Variants in POU2F2 observed in about 807,000 individuals in gnomAD.
The protein encoded by POU2F2 is POU class 2 homeobox 2, also known as POU domain, class 2, transcription factor 2.
Under a neutral mutation model 63.5 loss-of-function variants are expected in POU2F2, and 14 were observed. The ratio of observed to expected loss-of-function variants is 0.22; its 90% CI spans 0.15 to 0.34. POU2F2 has a LOEUF of 0.34. Among genes scored for constraint, POU2F2 ranks in the 10% least tolerant of loss-of-function variants. The pLI, the probability that POU2F2 is intolerant of heterozygous loss-of-function variation, is 1.00. For synonymous variants in POU2F2, 306 were observed against 348.6 expected, an observed-to-expected ratio of 0.88 and a Z score of 1.36; for missense variants, 607 against 815.2, an observed-to-expected ratio of 0.74 and a Z score of 3.11.
At chr19:42,107,330 G>A (rs1011162752) in intron 5 of POU2F2, among the ~76,000 whole-genome samples, 30 of 152,194 alleles carry the variant, frequency 2.0e-4, no homozygotes, top group South Asian at 6.2e-4. Flanking sequence ...ACTCCAGCTC[G>A]AGCAACAGAG....
At chr19:42,159,511 T>G (rs2034515487) in intron 2 of POU2F2, among the ~76,000 whole-genome samples, 2 of 152,070 alleles carry the variant, frequency 1.3e-5, no homozygotes, top group African/African-American at 2.4e-5. Flanking sequence ...GGGGTGGCAG[T>G]AGAGGGCTGT....
In POU2F2 at chr19:42,092,335, G is replaced by A; in HGVS notation, c.1265-65C>T. ...ACTCGTCCCCCACTGAGGAACCTGG[G>A]GTCAGCTCCTACTTGTCCTCCCGCC... On this transcript the variant is annotated intron_variant, in intron 12 of 14. Coordinates refer to ENST00000692977, the MANE Select transcript of POU2F2 (RefSeq NM_001394376.1). The surrounding 1 kb of genome is among the most constrained non-coding windows in gnomAD (Gnocchi z 5.0). 3 of 1,278,102 alleles carry A rather than the reference G, an allele frequency of 2.3e-6. No individual in the cohort carries two copies. The highest frequency in any genetic ancestry group is 3.3e-6 in the Non-Finnish European group (3 of 899,096). 79.2% of individuals were successfully genotyped at this position (1,278,102 alleles called of 1,614,324 possible). A position where few individuals can be genotyped will look rare whatever the true frequency, so the allele number is the denominator to read the frequency against.
In POU2F2 at chr19:42,087,009, C is replaced by CT. The variant is rs1182164426; in HGVS notation, c.*4247dup. The CT allele has an allele frequency of 6.6e-6, 1 of 152,060 alleles. No homozygotes were observed. The highest frequency in any genetic ancestry group is 1.5e-5 in the Non-Finnish European group (1 of 68,010). 9.4% of individuals were successfully genotyped at this position (152,060 alleles called of 1,614,324 possible). On this transcript the variant is annotated 3_prime_UTR_variant, in exon 15 of 15. Transcript: ENST00000692977. ...CATCGTCGTCTTGCTTTGGAGACTG[C>CT]TGAGGTCAAAGTTTAAACCGCATGA... is the stretch of plus-strand genomic sequence containing the variant.
chr19:42,106,842 GAGGAGAAGGAGA>G (rs895216119), intron 5 of POU2F2, among the ~76,000 whole-genome samples: 1 of 151,436 alleles, frequency 6.6e-6, no homozygotes, highest in Non-Finnish European at 1.5e-5. Flanking sequence ...GGAGGAGCAG[GAGGAGAAGGAGA>G]AGGAGAAGGA....
chr19:42,186,806 A>C (rs1384892423), intron 1 of POU2F2, among the ~76,000 whole-genome samples: 2 of 152,126 alleles, frequency 1.3e-5, no homozygotes, highest in Admixed American at 6.6e-5. Context: ...GGGTGGTGCC[A>C]AGGATGATGC....
chr19:42,140,626 T>G (rs1045355160), intron 2 of POU2F2, among the ~76,000 whole-genome samples: 1 of 152,208 alleles, frequency 6.6e-6, no homozygotes, highest in Non-Finnish European at 1.5e-5. Flanking sequence ...CCCTCCCTAG[T>G]CATGCTCCAC....
At chr19:42,145,290 C>G (rs2034207513) in intron 2 of POU2F2, among the ~76,000 whole-genome samples, 1 of 152,122 alleles carries the variant, frequency 6.6e-6, no homozygotes, top group East Asian at 1.9e-4. Context: ...TTAGAAGCTG[C>G]CTTGGCCTCT....
chr19:42,196,823 G>A (rs1408709272), upstream of POU2F2, among the ~76,000 whole-genome samples: 3 of 152,388 alleles, frequency 2.0e-5, no homozygotes, highest in East Asian at 1.9e-4. Flanking sequence ...CTGCGCCAGC[G>A]CAGATCCCTT....
In POU2F2 at chr19:42,096,746, A is replaced by C. The variant is rs1444115245; in HGVS notation, c.568-503T>G. Among the ~76,000 whole-genome samples, 1 of 152,228 alleles carries C rather than the reference A, an allele frequency of 6.6e-6. No individual in the cohort carries two copies. The highest frequency in any genetic ancestry group is 1.5e-5 in the Non-Finnish European group (1 of 68,030). On this transcript the variant is annotated intron_variant, in intron 7 of 14. Coordinates refer to ENST00000692977, the MANE Select transcript of POU2F2 (RefSeq NM_001394376.1). This position sits in a 1 kb window ranked among gnomAD's most constrained non-coding sequence, Gnocchi z 4.1. ...ATGAGTAGGTCGTGCAGACCCATGG[A>C]CTGTACAATGCCAAGAGTGAACCCT...
At chr19:42,195,083 GAGGAAGGGAGGA>G (rs1568430885) in intron 1 of POU2F2, among the ~76,000 whole-genome samples, 9 of 11,552 alleles carry the variant, frequency 7.8e-4, no homozygotes, top group South Asian at 5.0e-3. Flanking sequence ...GGAAGGGAGG[GAGGAAGGGAGGA>G]AGGAAGGGAG....
At chr19:42,122,078 C>A in intron 4 of POU2F2, 48 bp downstream of exon 4, 2 of 1,558,300 alleles carry the variant, frequency 1.3e-6, no homozygotes, top group Non-Finnish European at 1.8e-6. Context: ...CCTGAGGACC[C>A]TCTTCCAAGC....
intron 1 of POU2F2, among the ~76,000 whole-genome samples, chr19:42,166,696 G>A (rs1031126708): frequency 1.3e-5 from 2 of 152,062 alleles, no homozygotes; most frequent in East Asian, 1.9e-4. Flanking sequence ...GGGGAGGGTC[G>A]TGAGGGAGAT....
intron 2 of POU2F2, among the ~76,000 whole-genome samples, chr19:42,154,469 G>A (rs889823886): frequency 6.6e-6 from 1 of 152,040 alleles, no homozygotes; most frequent in Non-Finnish European, 1.5e-5. Context: ...CTGGAGAGAC[G>A]GAGAGAGAAA....
rs1348533839 is a variant in POU2F2, at chr19:42,095,273, G to A, written c.1197+13C>T. 3 of 1,608,868 alleles carry A rather than the reference G, an allele frequency of 1.9e-6. No individual in the cohort carries two copies. The highest frequency in any genetic ancestry group is 1.3e-5 in the African/African-American group (1 of 74,872). ...TCTGTGGTCTCCCCACCCCCCAGGC[G>A]GGCTCTTGGTACCATATGGGGGCTG... is the stretch of plus-strand genomic sequence containing the variant. On this transcript the variant is annotated intron_variant, in intron 11 of 14. Coordinates refer to ENST00000692977, the MANE Select transcript of POU2F2 (RefSeq NM_001394376.1). This position sits in a 1 kb window ranked among gnomAD's most constrained non-coding sequence, Gnocchi z 7.1.
intron 1 of POU2F2, among the ~76,000 whole-genome samples, chr19:42,127,774 T>G (rs2033343129): frequency 6.6e-6 from 1 of 152,096 alleles, no homozygotes; most frequent in Admixed American, 6.5e-5. Context: ...CCTTCCCTTG[T>G]CACTGTCTTA....
rs777147653 is a variant in POU2F2, at chr19:42,099,499, G to C, written c.567+28C>G. The C allele has an allele frequency of 5.1e-6, 8 of 1,566,948 alleles. No individual in the cohort carries two copies. The African/African-American group carries it at 1.1e-4, about 21-fold the overall frequency. On this transcript the variant is annotated intron_variant, in intron 7 of 14. Coordinates refer to ENST00000692977, the MANE Select transcript of POU2F2 (RefSeq NM_001394376.1). Reference sequence around the variant, plus strand: ...TTCAGCAGGCCTTGCTGCTGGCCTGGCCTGGTGCACTCAATGGACAGTCTC... The same window carrying C: ...TTCAGCAGGCCTTGCTGCTGGCCTGCCCTGGTGCACTCAATGGACAGTCTC...
rs577304871 is a variant in POU2F2 at position 42,175,497 on chromosome 19, G to A, written c.-70+466C>T. On this transcript the variant is annotated intron_variant, in intron 1 of 6. Transcript: ENST00000524801. ...AGGGGGAAAGGGGGAAGGGAAAAACGGAGAAAAAAGAAGGGAAGGAGGTGG... is the reference window on the plus strand; with the variant it reads ...AGGGGGAAAGGGGGAAGGGAAAAACAGAGAAAAAAGAAGGGAAGGAGGTGG... 2.0e-4 allele frequency among the ~76,000 whole-genome samples: 30 copies of A among 151,594 alleles called. No individual in the cohort carries two copies. In the South Asian group the frequency reaches 2.3e-3, roughly 12 times the overall value.
chr19:42,190,128 G>A (rs995312514), intron 1 of POU2F2, among the ~76,000 whole-genome samples: 1 of 152,096 alleles, frequency 6.6e-6, no homozygotes, highest in Non-Finnish European at 1.5e-5. Context: ...AACAGGGAAG[G>A]GAAGAAAGAT....
At chr19:42,122,660 A>G (rs2032782042) in intron 1 of POU2F2, 84 bp from the exon 2 acceptor site, 2 of 1,278,212 alleles carry the variant, frequency 1.6e-6, no homozygotes, top group South Asian at 1.5e-5. Flanking sequence ...ACACTCCCCA[A>G]GCCTTTCCCC....
Sources: allele counts gnomAD v4.1 joint callset (sites outside exome capture counted in the v4.1 genomes callset), GRCh38; gene constraint gnomAD v4.1.1; non-coding constraint Gnocchi (gnomAD v3.1); transcripts MANE v1.5; gene names NCBI Gene and HGNC (gene_info 2026-07-23, HGNC 2026-07-21).